The following FARS2 variants were observed in gnomAD, a reference collection of about 807,000 sequenced individuals.
FARS2 encodes the protein phenylalanine--tRNA ligase, mitochondrial.
Under a neutral mutation model 46.4 loss-of-function variants are expected in FARS2, and 40 were observed. The ratio of observed to expected loss-of-function variants is 0.86; its 90% CI spans 0.67 to 1.12. FARS2 has a LOEUF of 1.12. FARS2 is among the 50% of genes most tolerant of loss of function. The pLI, the probability that FARS2 is intolerant of heterozygous loss-of-function variation, is 0.00. For synonymous variants in FARS2, 234 were observed against 214.9 expected (o/e 1.09, Z -0.78); for missense variants, 513 against 567.9 (o/e 0.90, Z 0.98).
chr6:5,393,800 C>CT (rs1760730800), intron 2 of FARS2, among the ~76,000 whole-genome samples: 1 of 152,252 alleles, frequency 6.6e-6, no homozygotes, highest in Non-Finnish European at 1.5e-5. Context: ...AGCTGTCCTC[C>CT]TTGCGTGAGG....
At chr6:5,565,980 A>G (rs1772300209) in intron 5 of FARS2, among the ~76,000 whole-genome samples, 1 of 152,186 alleles carries the variant, frequency 6.6e-6, no homozygotes, top group Non-Finnish European at 1.5e-5. Flanking sequence ...ATTCCATCTA[A>G]TCCTAACCAA....
At chr6:5,277,387 C>T (rs985897688) in intron 1 of FARS2, among the ~76,000 whole-genome samples, 2 of 152,108 alleles carry the variant, frequency 1.3e-5, no homozygotes, top group East Asian at 1.9e-4. Context: ...TTTTCAGTTA[C>T]ATTTTTGAGG....
At chr6:5,260,604 G>GGC, upstream of FARS2, 4 of 1,196,176 alleles carry the variant, frequency 3.3e-6, no homozygotes, top group Non-Finnish European at 4.7e-6. Flanking sequence ...CCGGTCCCCG[G>GGC]CCCCTGGCCC....
chr6:5,720,121 C>T (rs985509018), intron 6 of FARS2, among the ~76,000 whole-genome samples: 3 of 151,652 alleles, frequency 2.0e-5, no homozygotes, highest in African/African-American at 7.3e-5. Context: ...AAAAAAACAA[C>T]ACTGCTGCAA....
At chr6:5,261,017 G>T, upstream of FARS2, 1 of 1,027,634 alleles carries the variant, frequency 9.7e-7, no homozygotes, top group Non-Finnish European at 1.2e-6. Context: ...GCCCCCGCCC[G>T]GAGGCTCGGG....
intron 4 of FARS2, among the ~76,000 whole-genome samples, chr6:5,511,794 A>T (rs953810060): frequency 6.6e-6 from 1 of 152,194 alleles, no homozygotes; most frequent in Non-Finnish European, 1.5e-5. Context: ...GGGATCTAGA[A>T]GTCTCATAAG....
At position 5,368,559 on chromosome 6, in the gene FARS2, G is replaced by A; in HGVS notation, c.-12G>A. ...TGTGTGCTCTTTCCAGAACCTGTGA[G>A]AAGTTTCTACAATGGTGGGCTCAGC... On this transcript the variant is annotated 5_prime_UTR_variant, in exon 2 of 7. Transcript: ENST00000274680. 1.9e-6 allele frequency: 3 copies of A among 1,595,074 alleles called. No homozygotes were observed. The highest frequency in any genetic ancestry group is 2.7e-5 in the African/African-American group (2 of 74,640).
chr6:5,569,699 G>C (rs1772529085), intron 5 of FARS2, among the ~76,000 whole-genome samples: 1 of 152,166 alleles, frequency 6.6e-6, no homozygotes, highest in Admixed American at 6.5e-5. Context: ...TTGGAACAGG[G>C]TTGTTTACTG....
At chr6:5,448,449 C>G (rs1764297344) in intron 4 of FARS2, among the ~76,000 whole-genome samples, 1 of 143,992 alleles carries the variant, frequency 6.9e-6, no homozygotes, top group Admixed American at 7.4e-5. Flanking sequence ...TCTTAAAAAC[C>G]AAAGCAGCAC....
At chr6:5,302,834 C>T (rs1360231637) in intron 1 of FARS2, among the ~76,000 whole-genome samples, 1 of 152,008 alleles carries the variant, frequency 6.6e-6, no homozygotes, top group Non-Finnish European at 1.5e-5. Context: ...GAGTTCAGGA[C>T]TGAGATCAGC....
chr6:5,732,409 G>A (rs1034789528), intron 6 of FARS2, among the ~76,000 whole-genome samples: 7 of 152,154 alleles, frequency 4.6e-5, no homozygotes, highest in South Asian at 2.1e-4. Flanking sequence ...GGCCTGGCAC[G>A]TAGCAAGCAT....
At chr6:5,732,275 C>A (rs990233402) in intron 6 of FARS2, among the ~76,000 whole-genome samples, 1 of 152,040 alleles carries the variant, frequency 6.6e-6, no homozygotes, top group Non-Finnish European at 1.5e-5. Context: ...GAGAGAGGTA[C>A]GTGTCGGTGA....
intron 6 of FARS2, among the ~76,000 whole-genome samples, chr6:5,693,640 C>T (rs1444879164): frequency 2.0e-5 from 3 of 152,170 alleles, no homozygotes; most frequent in Non-Finnish European, 4.4e-5. Context: ...ATTGTGCTCA[C>T]GTGTCCTTGT....
At chr6:5,665,396 GGTCACGAT>G (rs1269551161) in intron 6 of FARS2, 1 of 152,286 alleles carries the variant, frequency 6.6e-6, no homozygotes, top group Non-Finnish European at 1.5e-5. Context: ...GGTGTGCGGA[GGTCACGAT>G]GCAGCTCCAT....
At chr6:5,274,660 G>A (rs2127836177) in intron 1 of FARS2, among the ~76,000 whole-genome samples, 1 of 152,188 alleles carries the variant, frequency 6.6e-6, no homozygotes, top group South Asian at 2.1e-4. Flanking sequence ...AACAACTAAT[G>A]TCTTTCTGTT....
chr6:5,287,045 T>C (rs556518934), intron 1 of FARS2, among the ~76,000 whole-genome samples: 2 of 152,380 alleles, frequency 1.3e-5, no homozygotes, highest in East Asian at 3.9e-4. Context: ...GGCTTGGCTC[T>C]GTTGAGGGCT....
chr6:5,610,740 C>T (rs151147526), intron 5 of FARS2, among the ~76,000 whole-genome samples: 2 of 152,272 alleles, frequency 1.3e-5, no homozygotes, highest in African/African-American at 2.4e-5. Flanking sequence ...TGTACGTAAT[C>T]GAAGGTCCCT....
At chr6:5,549,401 A>C (rs1771240346) in intron 5 of FARS2, among the ~76,000 whole-genome samples, 2 of 152,106 alleles carry the variant, frequency 1.3e-5, no homozygotes, top group Non-Finnish European at 2.9e-5. Context: ...CTCATGGTTC[A>C]GTTCCCACCT....
At chr6:5,719,537 C>T (rs1211145265) in intron 6 of FARS2, among the ~76,000 whole-genome samples, 5 of 152,054 alleles carry the variant, frequency 3.3e-5, no homozygotes, top group East Asian at 3.9e-4. Context: ...ATTTTGAAAG[C>T]GGGAGACCTT....
Sources: allele counts gnomAD v4.1 joint callset (sites outside exome capture counted in the v4.1 genomes callset), GRCh38; gene constraint gnomAD v4.1.1; transcripts MANE v1.5; gene names NCBI Gene and HGNC (gene_info 2026-07-23, HGNC 2026-07-21).